Variants in ALG12 observed in about 807,000 individuals in gnomAD.
The protein encoded by ALG12 is dol-P-Man:Man(7)GlcNAc(2)-PP-Dol alpha-1,6-mannosyltransferase.
A neutral mutation model predicts 46.0 loss-of-function variants in ALG12; 36 were observed. The observed-to-expected ratio is 0.78, with a 90% CI of 0.60 to 1.03. The LOEUF is 1.03. Ranked by LOEUF, ALG12 falls within the 50% of genes least tolerant of loss-of-function variation. The probability of loss-of-function intolerance (pLI) is 0.00; values close to 1 mark genes in which losing one functional copy is unlikely to be tolerated. For synonymous variants in ALG12, 326 were observed against 291.6 expected (o/e 1.12, Z -1.20); for missense variants, 599 against 633.5 (o/e 0.95, Z 0.58).
intron 9 of ALG12, 43 bp downstream of exon 9, chr22:49,904,136 C>T: frequency 6.2e-7 from 1 of 1,614,200 alleles, no homozygotes; most frequent in Non-Finnish European, 8.5e-7. Context: ...CCAAGGGGCC[C>T]TCACATGGCC....
chr22:49,872,157 C>A, the ALG12 span, among the ~76,000 whole-genome samples: 9 of 152,308 alleles, frequency 5.9e-5, no homozygotes, highest in African/African-American at 1.9e-4. Flanking sequence ...AAATTGTAGT[C>A]AATCCTCTCA....
rs1262603064 is a variant in ALG12 at position 49,903,652 on chromosome 22, T to G, written c.*186A>C. 2.6e-6 allele frequency: 2 copies of G among 756,540 alleles called. No homozygotes were observed. The highest frequency in any genetic ancestry group is 4.0e-5 in the Admixed American group (2 of 49,984). The allele number at this position is 756,540 out of a possible 1,614,324, so 46.9% of individuals were successfully genotyped here. ...AAGACCTGGGCCCCTCGTTCTTTGG[T>G]GCTGAGAGCCCCAGCTGAGGCTGTG... On this transcript the variant is annotated 3_prime_UTR_variant, in exon 10 of 10. Coordinates refer to ENST00000330817, the MANE Select transcript of ALG12 (RefSeq NM_024105.4).
rs976665325 is a variant in ALG12, at chr22:49,906,891, T to A, written c.992+830A>T. On this transcript the variant is annotated intron_variant, in intron 7 of 9. Transcript: ENST00000330817. The surrounding 1 kb of genome is among the most constrained non-coding windows in gnomAD (Gnocchi z 4.4). ...CCCACAGGGCCCGGCAGTGATGGAC[T>A]CTCCTGGCTCCCTGAGGCTTGCAAC... Among the ~76,000 whole-genome samples the A allele has an allele frequency of 6.6e-6, 1 of 152,024 alleles. No homozygotes were observed. The highest frequency in any genetic ancestry group is 1.5e-5 in the Non-Finnish European group (1 of 67,968).
the ALG12 span, among the ~76,000 whole-genome samples, chr22:49,872,711 T>C: frequency 6.6e-6 from 1 of 151,810 alleles, no homozygotes; most frequent in Non-Finnish European, 1.5e-5. Context: ...TAAATTTTTT[T>C]TTTTTTTTCC....
Position 49,913,743 on chromosome 22 carries a change from C to T in ALG12, c.23G>A (p.Gly8Asp). Residue 8 changes from glycine to aspartate, a missense_variant, in exon 2 of 10, where the codon GGC (glycine) becomes GAC (aspartate). Transcript: ENST00000330817. The stretch of plus-strand genomic sequence containing the variant: ...CAGCCCCAGCAGCAGGGGCCGCCTG[C>T]CTGATGACCCCTTTCCAGCCATTCC... Reference protein sequence around the residue: MAGKGSSGRRPLLLGLLV... With the variant: MAGKGSSDRRPLLLGLLV... 4.3e-6 allele frequency: 7 copies of T among 1,613,778 alleles called. No homozygotes were observed. Among genetic ancestry groups the T allele is most frequent in the Non-Finnish European group, 5.9e-6 (7 of 1,180,036 alleles).
chr22:49,917,257 G>C (rs564787849), intron 1 of ALG12, among the ~76,000 whole-genome samples: 1 of 152,214 alleles, frequency 6.6e-6, no homozygotes, highest in Non-Finnish European at 1.5e-5. Flanking sequence ...AGGTTAAAAC[G>C]GGCCCAGGCC....
rs1491146383 is a variant in ALG12, at chr22:49,902,101, ACT to A, written c.*1735_*1736del. The A allele has an allele frequency of 2.5e-5, 3 of 117,876 alleles. No individual in the cohort carries two copies. The highest frequency in any genetic ancestry group is 7.1e-5 in the African/African-American group (2 of 28,194). The allele number at this position is 117,876 out of a possible 1,614,324, so 7.3% of individuals were successfully genotyped here. A position where few individuals can be genotyped will look rare whatever the true frequency, so the allele number is the denominator to read the frequency against. ...GCATGCATGGTGTGTGCACGTGTGC[ACT>A]GTGTATGCATGGTAATGTGCACGTG... On this transcript the variant is annotated 3_prime_UTR_variant, in exon 10 of 10. Transcript: ENST00000330817.
Position 49,918,404 on chromosome 22 carries a change from C to G in ALG12, c.-220G>C, listed in dbSNP as rs1027647806. 1 of 173,914 alleles carries G rather than the reference C, an allele frequency of 5.7e-6. No homozygotes were observed. Among genetic ancestry groups the G allele is most frequent in the Non-Finnish European group, 1.2e-5 (1 of 82,606 alleles). The allele number at this position is 173,914 out of a possible 1,614,324, so 10.8% of individuals were successfully genotyped here. A position where few individuals can be genotyped will look rare whatever the true frequency, so the allele number is the denominator to read the frequency against. ...GTGGCTACCGCAGCCCCGGCCGCTA[C>G]GGCCGCAGAGACCCTCTGTGCCCTG... On this transcript the variant is annotated 5_prime_UTR_variant, in exon 1 of 10. Transcript: ENST00000330817.
intron 5 of ALG12, among the ~76,000 whole-genome samples, chr22:49,909,649 C>A (rs544291833): frequency 1.3e-5 from 2 of 152,368 alleles, no homozygotes; most frequent in Admixed American, 6.5e-5. Context: ...AAGCCGCCCT[C>A]CACTCTTGTG....
chr22:49,887,331 C>T, the ALG12 span: 1 of 731,210 alleles, frequency 1.4e-6, no homozygotes. Flanking sequence ...TCTCCACGTG[C>T]CTTACCCCTT....
chr22:49,904,562 C>G, intron 7 of ALG12, 56 bp from the exon 8 acceptor site: 5 of 1,595,434 alleles, frequency 3.1e-6, no homozygotes, highest in Non-Finnish European at 4.3e-6. Flanking sequence ...TAAAATTAAT[C>G]TACCTACAAA....
chr22:49,915,074 T>C (rs936989416), intron 1 of ALG12, among the ~76,000 whole-genome samples: 1 of 152,210 alleles, frequency 6.6e-6, no homozygotes, highest in African/African-American at 2.4e-5. Flanking sequence ...TATACAAAGA[T>C]GGCAACCAAA....
the ALG12 span, among the ~76,000 whole-genome samples, chr22:49,873,294 G>A: frequency 6.6e-6 from 1 of 152,192 alleles, no homozygotes; most frequent in Admixed American, 6.5e-5. Context: ...AACATGTAGA[G>A]GATTAATCGG....
the ALG12 span, among the ~76,000 whole-genome samples, chr22:49,871,876 G>C: frequency 1.3e-5 from 2 of 151,684 alleles, no homozygotes; most frequent in African/African-American, 4.8e-5. Flanking sequence ...TGCCTCAGTA[G>C]CTGGGATTAC....
At chr22:49,917,132 C>T (rs973605037) in intron 1 of ALG12, among the ~76,000 whole-genome samples, 3 of 152,218 alleles carry the variant, frequency 2.0e-5, no homozygotes, top group South Asian at 2.1e-4. Context: ...AAAACCACGA[C>T]GAACCCCCCA....
At chr22:49,881,935 A>T in the ALG12 span, among the ~76,000 whole-genome samples, 1 of 152,202 alleles carries the variant, frequency 6.6e-6, no homozygotes, top group Non-Finnish European at 1.5e-5. Context: ...GGGAGCTAGC[A>T]GTTTTTATTA....
chr22:49,884,160 G>A, the ALG12 span: 110 of 1,612,898 alleles, frequency 6.8e-5, no homozygotes, highest in Middle Eastern at 3.3e-4. Context: ...GCGCACACCC[G>A]ACCGTGCTCA....
At chr22:49,896,870 A>T (rs2060485342), downstream of ALG12, among the ~76,000 whole-genome samples, 1 of 150,948 alleles carries the variant, frequency 6.6e-6, no homozygotes, top group Admixed American at 6.6e-5. Context: ...TGAACTCCTG[A>T]CCTCAGCTGA....
the ALG12 span, among the ~76,000 whole-genome samples, chr22:49,876,455 C>G: frequency 6.6e-6 from 1 of 152,170 alleles, no homozygotes; most frequent in African/African-American, 2.4e-5. Flanking sequence ...GGTCTCTTTG[C>G]AGGTATATGC....
Sources: gnomAD v4.1 joint callset for allele counts (sites outside exome capture counted in the v4.1 genomes callset) on GRCh38, gnomAD v4.1.1 for gene constraint, Gnocchi (gnomAD v3.1) non-coding constraint, MANE v1.5 for transcripts, NCBI Gene and HGNC (gene_info 2026-07-23, HGNC 2026-07-21) for gene names.